Variants in TPO observed in about 807,000 individuals in gnomAD.
TPO encodes the protein thyroid peroxidase.
In TPO, 78 loss-of-function variants were observed where a neutral mutation model predicts 96.9. That is an observed-to-expected ratio of 0.81 (90% confidence interval 0.67 to 0.97). The LOEUF is 0.97. TPO is among the 50% of genes least tolerant of loss of function. The probability of loss-of-function intolerance (pLI) is 0.00; values close to 1 mark genes in which losing one functional copy is unlikely to be tolerated. For synonymous variants in TPO, 547 were observed against 538.0 expected (o/e 1.02, Z -0.23); for missense variants, 1,252 against 1,274.8 (o/e 0.98, Z 0.27).
intron 15 of TPO, among the ~76,000 whole-genome samples, chr2:1,525,892 T>TACTGTGTGCAACCTCCTCAAATCCCCGC: frequency 1.0e-5 from 1 of 99,028 alleles, no homozygotes; most frequent in African/African-American, 3.9e-5. Flanking sequence ...CAAATCCCAA[T>TACTGTGTGCAACCTCCTCAAATCCCCGC]ACTGTGTGCA....
At chr2:1,495,369 A>G (rs1180736834) in intron 11 of TPO, among the ~76,000 whole-genome samples, 1 of 152,110 alleles carries the variant, frequency 6.6e-6, no homozygotes, top group Non-Finnish European at 1.5e-5. Flanking sequence ...TTTGGCAACT[A>G]TTTTCATATT....
At chr2:1,392,885 T>C (rs1234746885) in intron 1 of TPO, among the ~76,000 whole-genome samples, 1 of 152,218 alleles carries the variant, frequency 6.6e-6, no homozygotes, top group African/African-American at 2.4e-5. Flanking sequence ...TCTTCTCTCT[T>C]TTCTTCTTTA....
At chr2:1,426,856 AT>A (rs1664464925) in intron 3 of TPO, among the ~76,000 whole-genome samples, 3 of 152,248 alleles carry the variant, frequency 2.0e-5, no homozygotes, top group Admixed American at 1.3e-4. Flanking sequence ...AGGAAAAAAA[AT>A]AACTTTTCTA....
upstream of TPO, among the ~76,000 whole-genome samples, chr2:1,408,613 C>A (rs548375114): frequency 1.3e-5 from 2 of 152,248 alleles, no homozygotes; most frequent in East Asian, 3.9e-4. Flanking sequence ...TGGGTGGGCA[C>A]GTGCAGTCAC....
Position 1,478,288 on chromosome 2 carries a change from A to AG in TPO, c.1338+686dup, listed in dbSNP as rs138747172. ...CGGTCCCTGACTCTAGGGGTCTCAC[A>AG]GGTTGTTAGGAAGAAGGATGGGCTG... On this transcript the variant is annotated intron_variant, in intron 8 of 16. Transcript: ENST00000329066. 8.4e-4 allele frequency: 823 copies of AG among 985,438 alleles called. 1 individual carries two copies. In the African/African-American group the frequency reaches 0.011, roughly 13 times the overall value. 61.0% of individuals were successfully genotyped at this position (985,438 alleles called of 1,614,324 possible).
intron 1 of TPO, among the ~76,000 whole-genome samples, chr2:1,407,783 C>T (rs578012949): frequency 3.3e-5 from 5 of 152,080 alleles, no homozygotes; most frequent in African/African-American, 9.7e-5. Flanking sequence ...AATCATGCAA[C>T]CTTCTTTTTG....
intron 16 of TPO, chr2:1,541,175 T>G (rs1422250541): frequency 1.7e-6 from 2 of 1,174,692 alleles, no homozygotes; most frequent in African/African-American, 3.2e-5. Flanking sequence ...AAAACTCACT[T>G]GTGTAAGTCT....
chr2:1,435,058 T>C (rs1054203519), intron 4 of TPO, among the ~76,000 whole-genome samples: 1 of 152,162 alleles, frequency 6.6e-6, no homozygotes, highest in African/African-American at 2.4e-5. Flanking sequence ...CTCAGCCTCC[T>C]GAGTAACTGG....
intron 8 of TPO, among the ~76,000 whole-genome samples, chr2:1,484,221 A>C (rs142854601): frequency 2.6e-5 from 4 of 152,282 alleles, no homozygotes; most frequent in African/African-American, 9.6e-5. Flanking sequence ...AGGCTCTGGG[A>C]ATTAGGTATT....
At chr2:1,523,382 A>C (rs1466129088) in intron 15 of TPO, among the ~76,000 whole-genome samples, 1 of 70,194 alleles carries the variant, frequency 1.4e-5, no homozygotes, top group African/African-American at 5.7e-5. Context: ...CTCCCCAAAT[A>C]CCTCCCATTG....
chr2:1,380,630 G>T (rs1478811525), intron 1 of TPO, among the ~76,000 whole-genome samples: 1 of 152,166 alleles, frequency 6.6e-6, no homozygotes, highest in Non-Finnish European at 1.5e-5. Flanking sequence ...AAAAACTGAA[G>T]TGACACAATC....
At chr2:1,537,430 GTGTGCAAACTCCC>G (rs1680014852) in intron 15 of TPO, among the ~76,000 whole-genome samples, 1 of 69,988 alleles carries the variant, frequency 1.4e-5, no homozygotes, top group African/African-American at 6.4e-5. Context: ...CCCTCCCATT[GTGTGCAAACTCCC>G]AAATCTCCCC....
Position 1,477,602 on chromosome 2 carries a change from C to T in TPO, c.1336C>T (p.Gln446Ter). The change falls in exon 8 of 17, where the codon CAG becomes TAG. Residue 446 changes from glutamine (Q) to a stop codon, truncating the protein, a stop_gained and splice_region_variant. Transcript: ENST00000329066. LOFTEE classifies it high-confidence loss of function. The part of the protein sequence containing the change: ...EARKVVGALH[Q>*]IITLRDYIPR... ...GCGCAAGGTCGTGGGCGCTCTGCAC[C>T]AGGTGCGCGGGGTGGTCCTGGGCGC... 1.3e-6 allele frequency: 2 copies of T among 1,523,836 alleles called. No individual in the cohort carries two copies. The highest frequency in any genetic ancestry group is 1.8e-6 in the Non-Finnish European group (2 of 1,141,346). 94.4% of individuals were successfully genotyped at this position (1,523,836 alleles called of 1,614,324 possible).
intron 15 of TPO, among the ~76,000 whole-genome samples, chr2:1,534,497 CGCAGTGTGCAACTT>C (rs1679087913): frequency 1.1e-5 from 1 of 87,640 alleles, no homozygotes; most frequent in Non-Finnish European, 2.5e-5. Context: ...AAACCCCCCA[CGCAGTGTGCAACTT>C]CCCCAAATCC....
At chr2:1,479,771 C>G (rs1456929445) in intron 8 of TPO, among the ~76,000 whole-genome samples, 1 of 146,154 alleles carries the variant, frequency 6.8e-6, no homozygotes, top group Non-Finnish European at 1.5e-5. Flanking sequence ...TCCTCCTCCT[C>G]TTCTTCTTCT....
chr2:1,479,797 T>G (rs906752793), intron 8 of TPO, among the ~76,000 whole-genome samples: 4 of 151,938 alleles, frequency 2.6e-5, no homozygotes, highest in South Asian at 2.1e-4. Flanking sequence ...TTCTTCTTTT[T>G]TTTTGAGACA....
intron 15 of TPO, among the ~76,000 whole-genome samples, chr2:1,519,797 C>G (rs947298581): frequency 3.3e-5 from 5 of 152,122 alleles, no homozygotes; most frequent in African/African-American, 1.2e-4. Context: ...GCAAACATCC[C>G]TATAAACATC....
intron 14 of TPO, among the ~76,000 whole-genome samples, chr2:1,504,865 TACAG>T (rs1645876972): frequency 2.6e-5 from 4 of 152,276 alleles, no homozygotes; most frequent in South Asian, 2.1e-4. Context: ...AGACTCAAGT[TACAG>T]ACAGACTTCC....
intron 1 of TPO, among the ~76,000 whole-genome samples, chr2:1,398,573 C>T (rs1662120659): frequency 6.6e-6 from 1 of 152,226 alleles, no homozygotes; most frequent in South Asian, 2.1e-4. Flanking sequence ...TCTGTCCCTT[C>T]TCTGCCTCCC....
Sources: gnomAD v4.1 joint callset for allele counts (sites outside exome capture counted in the v4.1 genomes callset) on GRCh38, gnomAD v4.1.1 for gene constraint, MANE v1.5 for transcripts, NCBI Gene and HGNC (gene_info 2026-07-23, HGNC 2026-07-21) for gene names.